DENND1A: variants seen among roughly 807,000 people sequenced by gnomAD.
DENND1A encodes DENN domain-containing protein 1A.
In DENND1A, 51 loss-of-function variants were observed where a neutral mutation model predicts 113.7. The observed-to-expected ratio is 0.45, with a 90% CI of 0.36 to 0.57. The LOEUF (loss-of-function observed/expected upper bound fraction) is 0.57. Among genes scored for constraint, DENND1A ranks in the 20% least tolerant of loss-of-function variants. DENND1A has a pLI of 0.00. For synonymous variants in DENND1A, 565 were observed against 570.8 expected (o/e 0.99, Z 0.14); for missense variants, 1,258 against 1,395.9 (o/e 0.90, Z 1.57).
At position 123,695,209 on chromosome 9, in the gene DENND1A, C is replaced by CAT. The variant is rs148320024; in HGVS notation, c.303-18422_303-18421dup. On this transcript the variant is annotated intron_variant, in intron 5 of 23. Coordinates refer to ENST00000394215, the MANE Select transcript of DENND1A (RefSeq NM_001352964.2). ...TGTAAGTTAATACTTAATAACTCTC[C>CAT]ATATATATATATATGGAGAAACAAA... Among the ~76,000 whole-genome samples the CAT allele has an allele frequency of 9.5e-4, 141 of 149,104 alleles. 1 individual carries two copies. Among genetic ancestry groups the CAT allele is most frequent in the East Asian group, 1.8e-3 (9 of 5,114 alleles).
chr9:123,758,435 A>T (rs2070758699), intron 4 of DENND1A, among the ~76,000 whole-genome samples: 2 of 152,224 alleles, frequency 1.3e-5, no homozygotes, highest in Non-Finnish European at 2.9e-5. Context: ...AAAGGAAACT[A>T]AGGACCAGAA....
intron 17 of DENND1A, among the ~76,000 whole-genome samples, chr9:123,451,559 G>A (rs1204117246): frequency 6.6e-6 from 1 of 152,196 alleles, no homozygotes. Flanking sequence ...ATTAAGTGGT[G>A]TATGCCACCA....
intron 10 of DENND1A, among the ~76,000 whole-genome samples, chr9:123,621,078 G>T (rs2060935871): frequency 6.6e-6 from 1 of 151,756 alleles, no homozygotes; most frequent in Admixed American, 6.6e-5. Flanking sequence ...CCAGAGTTTG[G>T]CATACATAAG....
intron 13 of DENND1A, among the ~76,000 whole-genome samples, chr9:123,532,830 T>C (rs1405980834): frequency 6.6e-6 from 1 of 152,234 alleles, no homozygotes; most frequent in East Asian, 1.9e-4. Flanking sequence ...CAGTTGTTTT[T>C]AGAGGTCTCA....
intron 11 of DENND1A, among the ~76,000 whole-genome samples, chr9:123,598,415 G>A (rs190958108): frequency 1.7e-4 from 26 of 150,330 alleles, no homozygotes; most frequent in Admixed American, 4.6e-4. Flanking sequence ...TGAGGTTGGG[G>A]GAGGGGGGAA....
intron 10 of DENND1A, among the ~76,000 whole-genome samples, chr9:123,617,163 A>G (rs948206630): frequency 6.6e-6 from 1 of 152,224 alleles, no homozygotes. Context: ...GGGAAAAAGT[A>G]TTTAATGTCT....
chr9:123,430,946 T>G (rs571558784), intron 19 of DENND1A, among the ~76,000 whole-genome samples: 1 of 152,178 alleles, frequency 6.6e-6, no homozygotes, highest in African/African-American at 2.4e-5. Context: ...GAGGCTGCGG[T>G]GAGCCGAGAT....
intron 21 of DENND1A, chr9:123,400,188 T>C (rs1349219567): frequency 1.3e-5 from 2 of 152,236 alleles, no homozygotes. Flanking sequence ...TTCAAAAAAG[T>C]CTTCTTCCAA....
At chr9:123,582,843 C>T (rs917210408) in intron 12 of DENND1A, among the ~76,000 whole-genome samples, 3 of 152,112 alleles carry the variant, frequency 2.0e-5, no homozygotes, top group African/African-American at 4.8e-5. Flanking sequence ...GGATTACACG[C>T]ATGCACCACC....
rs550320884 is a variant in DENND1A at position 123,557,971 on chromosome 9, G to A, written c.868-276C>T. 6.6e-5 allele frequency among the ~76,000 whole-genome samples: 10 copies of A among 150,422 alleles called. No homozygotes were observed. The South Asian group carries it at 1.7e-3, about 25-fold the overall frequency. ...TGCGCCATTGCACTCCAGCCTGGGC[G>A]ACAGAGAGAAACTCAGTCTCAAAAA... is the stretch of plus-strand genomic sequence containing the variant. On this transcript the variant is annotated intron_variant, in intron 12 of 23. Coordinates refer to ENST00000394215, the MANE Select transcript of DENND1A (RefSeq NM_001352964.2).
At chr9:123,658,484 A>T (rs2063077447) in intron 8 of DENND1A, among the ~76,000 whole-genome samples, 1 of 152,234 alleles carries the variant, frequency 6.6e-6, no homozygotes, top group Non-Finnish European at 1.5e-5. Context: ...GAAAACCCTG[A>T]TGAGCAATTA....
chr9:123,565,203 G>A (rs560497451), intron 12 of DENND1A, among the ~76,000 whole-genome samples: 2 of 152,012 alleles, frequency 1.3e-5, no homozygotes, highest in South Asian at 4.2e-4. Context: ...TGTTGGCCAG[G>A]CTGGTCTCAA....
chr9:123,893,277 G>A (rs1340700138), intron 1 of DENND1A, among the ~76,000 whole-genome samples: 2 of 152,180 alleles, frequency 1.3e-5, no homozygotes, highest in East Asian at 3.8e-4. Context: ...GGCAGATTTG[G>A]CTCCAGAGTC....
chr9:123,804,101 T>C (rs1344566721), intron 2 of DENND1A, among the ~76,000 whole-genome samples: 2 of 152,206 alleles, frequency 1.3e-5, no homozygotes, highest in Non-Finnish European at 2.9e-5. Context: ...CCGTGGAAGG[T>C]GATTGAATTA....
chr9:123,754,049 T>C (rs1417751731), intron 5 of DENND1A, among the ~76,000 whole-genome samples: 3 of 152,256 alleles, frequency 2.0e-5, no homozygotes, highest in Non-Finnish European at 4.4e-5. Context: ...GAGAGCTACA[T>C]CCCTTGAGAA....
intron 10 of DENND1A, among the ~76,000 whole-genome samples, chr9:123,627,054 A>G (rs1344910278): frequency 6.6e-6 from 1 of 152,122 alleles, no homozygotes; most frequent in Non-Finnish European, 1.5e-5. Context: ...AGATGTGACA[A>G]TGCATCCCCA....
intron 1 of DENND1A, among the ~76,000 whole-genome samples, chr9:123,909,358 T>TA (rs111462479): frequency 2.2e-4 from 28 of 126,558 alleles, no homozygotes; most frequent in East Asian, 1.3e-3. Flanking sequence ...AAAATAAAAA[T>TA]AAAAAAAACA....
At chr9:123,873,992 T>G (rs1224391271) in intron 2 of DENND1A, among the ~76,000 whole-genome samples, 1 of 152,116 alleles carries the variant, frequency 6.6e-6, no homozygotes, top group East Asian at 1.9e-4. Context: ...CCGCCCACCT[T>G]GACCTCTCAA....
At chr9:123,500,305 C>T (rs1420677879) in intron 13 of DENND1A, among the ~76,000 whole-genome samples, 8 of 152,160 alleles carry the variant, frequency 5.3e-5, no homozygotes, top group African/African-American at 1.7e-4. Context: ...TAGGCCACCA[C>T]GTCTCAGGAT....
Sources: allele counts gnomAD v4.1 joint callset (sites outside exome capture counted in the v4.1 genomes callset), GRCh38; gene constraint gnomAD v4.1.1; transcripts MANE v1.5; gene names NCBI Gene and HGNC (gene_info 2026-07-23, HGNC 2026-07-21).